Variants in TBC1D2B observed in about 807,000 individuals in gnomAD.
The protein encoded by TBC1D2B is TBC1 domain family member 2B.
A neutral mutation model predicts 100.8 loss-of-function variants in TBC1D2B; 64 were observed. That is an observed-to-expected ratio of 0.64 (90% CI 0.52 to 0.78). TBC1D2B has a LOEUF of 0.78. Ranked by LOEUF, TBC1D2B falls within the 30% of genes least tolerant of loss-of-function variation. TBC1D2B has a pLI of 0.00. For missense variants in TBC1D2B, 1,052 were observed against 1,218.4 expected, an observed-to-expected ratio of 0.86 and a Z score of 2.03; for synonymous variants, 480 against 479.7, an observed-to-expected ratio of 1.00 and a Z score of -0.01.
At chr15:78,057,469 C>T (rs1370390022) in intron 1 of TBC1D2B, among the ~76,000 whole-genome samples, 1 of 152,114 alleles carries the variant, frequency 6.6e-6, no homozygotes, top group Non-Finnish European at 1.5e-5. Context: ...TGGTGAAACC[C>T]CGTCTCTACT....
intron 12 of TBC1D2B, 29 bp from the exon 13 acceptor site, chr15:77,998,384 A>G (rs774191780): frequency 6.5e-6 from 10 of 1,539,444 alleles, no homozygotes; most frequent in Non-Finnish European, 7.9e-6. Context: ...GAGACAAGAG[A>G]ATCAGCGGCG....
chr15:78,001,579 T>C, intron 12 of TBC1D2B, 40 bp downstream of exon 12: 2 of 1,580,578 alleles, frequency 1.3e-6, no homozygotes, highest in South Asian at 1.2e-5. Flanking sequence ...GGGTCAGGCT[T>C]CCTGCTCTCC....
At chr15:78,028,001 T>C (rs962386043) in intron 4 of TBC1D2B, among the ~76,000 whole-genome samples, 6 of 152,194 alleles carry the variant, frequency 3.9e-5, no homozygotes, top group Non-Finnish European at 7.3e-5. Flanking sequence ...GACAGTCCTT[T>C]TCCAGGAGAC....
At position 78,025,502 on chromosome 15, in the gene TBC1D2B, A is replaced by G. The variant is rs199560004; in HGVS notation, c.848-5T>C. The G allele has an allele frequency of 3.9e-3, 6,170 of 1,566,540 alleles. 18 individuals carry two copies. Among genetic ancestry groups the G allele is most frequent in the Non-Finnish European group, 4.9e-3 (5,615 of 1,154,964 alleles). On this transcript the variant is annotated splice_polypyrimidine_tract_variant and splice_region_variant and intron_variant, in intron 4 of 12. Transcript: ENST00000300584. ...GGAATCCTGAGCCAGTTACTCCTAC[A>G]TAAAAATAAAACTTGTATTTTATTA...
intron 2 of TBC1D2B, among the ~76,000 whole-genome samples, chr15:78,045,821 C>T (rs1055916190): frequency 6.6e-6 from 1 of 152,144 alleles, no homozygotes; most frequent in South Asian, 2.1e-4. Flanking sequence ...AATTACTGTT[C>T]CAACTACCTA....
Position 78,013,029 on chromosome 15 carries a change from C to T in TBC1D2B, c.2064G>A (p.Glu688=), listed in dbSNP as rs756184324. 6.2e-7 allele frequency: 1 copy of T among 1,613,176 alleles called. No homozygotes were observed. The highest frequency in any genetic ancestry group is 8.5e-7 in the Non-Finnish European group (1 of 1,179,270). ...RHTRKFKDNT[E]PGHFQTLLQK... ...GCAGCAAGGTCTGGAAGTGGCCAGGCTCAGTGTTGTCCTTGAACTTCCTGG... is the reference window on the plus strand; with the variant it reads ...GCAGCAAGGTCTGGAAGTGGCCAGGTTCAGTGTTGTCCTTGAACTTCCTGG... The change falls in exon 9 of 13, where the codon GAG becomes GAA. Residue 688 remains glutamate (E), a synonymous_variant. Coordinates refer to ENST00000300584, the MANE Select transcript of TBC1D2B (RefSeq NM_144572.2).
At chr15:78,057,023 C>T (rs1264535546) in intron 1 of TBC1D2B, among the ~76,000 whole-genome samples, 1 of 152,190 alleles carries the variant, frequency 6.6e-6, no homozygotes, top group Non-Finnish European at 1.5e-5. Flanking sequence ...CCACAGGCTG[C>T]TAGAGAAGCT....
intron 3 of TBC1D2B, among the ~76,000 whole-genome samples, chr15:78,031,554 CAA>C (rs1225713046): frequency 5.1e-4 from 28 of 54,896 alleles, no homozygotes; most frequent in African/African-American, 1.7e-3. Flanking sequence ...ACTCTGTCTC[CAA>C]AAAAAAAAAA....
rs143349121 is a variant in TBC1D2B, at chr15:78,007,246, C to A, written c.2388+1751G>T. ...GAAGGCATCTTTACCCTGAGGAGCC[C>A]CAGACAACAGCAGCAGAGGGATGAG... On this transcript the variant is annotated intron_variant, in intron 10 of 12. Transcript: ENST00000300584. 1.1e-4 allele frequency among the ~76,000 whole-genome samples: 16 copies of A among 152,286 alleles called. No homozygotes were observed. In the East Asian group the frequency reaches 2.7e-3, roughly 26 times the overall value.
intron 3 of TBC1D2B, among the ~76,000 whole-genome samples, chr15:78,037,592 C>G (rs1384596266): frequency 6.6e-6 from 1 of 151,766 alleles, no homozygotes; most frequent in East Asian, 1.9e-4. Flanking sequence ...AGGGAACATC[C>G]TCAGCCCCAT....
At chr15:78,018,021 A>G in intron 6 of TBC1D2B, 64 bp from the exon 7 acceptor site, 1 of 855,798 alleles carries the variant, frequency 1.2e-6, no homozygotes. Flanking sequence ...TAATTACCCT[A>G]TGTAGTCAGT....
chr15:78,040,188 C>T (rs112414819), intron 3 of TBC1D2B, among the ~76,000 whole-genome samples: 1,633 of 152,380 alleles, frequency 0.011, 33 homozygotes, highest in African/African-American at 0.037. Flanking sequence ...CACATACACA[C>T]ATGGACTGGC....
chr15:78,054,960 T>G (rs1391593312), intron 1 of TBC1D2B, among the ~76,000 whole-genome samples: 1 of 152,174 alleles, frequency 6.6e-6, no homozygotes, highest in South Asian at 2.1e-4. Flanking sequence ...TAAAAAAAAC[T>G]GGTACATCTA....
chr15:77,999,124 C>G (rs947967560), intron 12 of TBC1D2B: 4 of 353,844 alleles, frequency 1.1e-5, no homozygotes, highest in African/African-American at 8.5e-5. Context: ...CCTAGGGCCA[C>G]CTTCTTCCCC....
Position 78,024,374 on chromosome 15 carries a change from C to T in TBC1D2B, c.1252G>A (p.Glu418Lys). The T allele has an allele frequency of 6.2e-7, 1 of 1,614,060 alleles. No individual in the cohort carries two copies. Among genetic ancestry groups the T allele is most frequent in the Non-Finnish European group, 8.5e-7 (1 of 1,179,910 alleles). ...LTSQLERFSL[E>K]KESLQQEVRT... ...ACTTCCTGCTGAAGACTCTCCTTCTCCAAGCTGAACCTCTCCAGCTGGCTG... is the reference window on the plus strand; with the variant it reads ...ACTTCCTGCTGAAGACTCTCCTTCTTCAAGCTGAACCTCTCCAGCTGGCTG... The change falls in exon 6 of 13, where the codon GAG becomes AAG. Residue 418 changes from glutamate (E) to lysine (K), a missense_variant. By Grantham distance (56) the Glu-to-Lys change is moderately conservative. Transcript: ENST00000300584.
At chr15:78,037,543 T>C (rs2072975149) in intron 3 of TBC1D2B, among the ~76,000 whole-genome samples, 1 of 151,690 alleles carries the variant, frequency 6.6e-6, no homozygotes, top group African/African-American at 2.4e-5. Context: ...CTGAAGAACC[T>C]TAAACAGCTG....
Position 78,012,969 on chromosome 15 carries a change from C to T in TBC1D2B, c.2124G>A (p.Lys708=). The change falls in exon 9 of 13, where the codon AAG becomes AAA. Residue 708 remains lysine, a synonymous_variant. Transcript: ENST00000300584. ...TTCGCAGCAAGTCCAGCTCAATCTG[C>T]TTGGAGGCTGGGTTCTGTTTCTCCA... ...KALEKQNPAS[K]QIELDLLRTL... 1.3e-6 allele frequency: 2 copies of T among 1,587,932 alleles called. No homozygotes were observed. Among genetic ancestry groups the T allele is most frequent in the Non-Finnish European group, 1.7e-6 (2 of 1,163,636 alleles).
chr15:78,013,085 T>C lies in TBC1D2B; in HGVS notation c.2008A>G (p.Lys670Glu), dbSNP rs756237475. ...RAGIPHEHRSKVWKWCVDRHT... is the reference protein window; with the variant it reads ...RAGIPHEHRSEVWKWCVDRHT... ...CGGTCCACACACCACTTCCACACCT[T>C]GGAACGGTGCTCGTGGGGAATGCCC... The change falls in exon 9 of 13, where the codon AAG becomes GAG. Residue 670 changes from lysine to glutamate, a missense_variant. Physicochemically the swap from Lys to Glu is moderately conservative, Grantham distance 56. Around this residue, in one of 4 missense-constraint regions of TBC1D2B, gnomAD observed 373 missense variants for 464.9 expected, o/e 0.80. Transcript: ENST00000300584. 17 of 1,614,044 alleles carry C rather than the reference T, an allele frequency of 1.1e-5. No homozygotes were observed. Among genetic ancestry groups the C allele is most frequent in the Non-Finnish European group, 1.4e-5 (17 of 1,179,892 alleles).
intron 6 of TBC1D2B, among the ~76,000 whole-genome samples, chr15:78,023,448 A>G (rs1231660676): frequency 6.6e-6 from 1 of 152,192 alleles, no homozygotes; most frequent in Non-Finnish European, 1.5e-5. Flanking sequence ...GCTTCTCTAC[A>G]GGCAAGAAGA....
Sources: allele counts gnomAD v4.1 joint callset (sites outside exome capture counted in the v4.1 genomes callset), GRCh38; gene constraint gnomAD v4.1.1; regional missense constraint gnomAD v4.1.1; transcripts MANE v1.5; gene names NCBI Gene and HGNC (gene_info 2026-07-23, HGNC 2026-07-21).